The following EFCAB3 variants were observed in gnomAD, a reference collection of about 807,000 sequenced individuals.
EFCAB3 encodes EF-hand calcium binding domain 3.
In EFCAB3, 36 loss-of-function variants were observed where a neutral mutation model predicts 42.2. The ratio of observed to expected loss-of-function variants is 0.85; its 90% CI spans 0.65 to 1.13. EFCAB3 has a LOEUF of 1.13. EFCAB3 is among the 50% of genes most tolerant of loss of function. EFCAB3 has a pLI of 0.00. For missense variants in EFCAB3, 418 were observed against 505.1 expected (o/e 0.83, Z 1.65); for synonymous variants, 170 against 172.8 (o/e 0.98, Z 0.13).
chr17:62,409,509 A>G (rs2070476389), intron 8 of EFCAB3, among the ~76,000 whole-genome samples: 5 of 152,134 alleles, frequency 3.3e-5, no homozygotes, highest in Admixed American at 3.3e-4. Flanking sequence ...AATGCACTGC[A>G]CTCTAGCCCG....
chr17:62,371,625 T>G (rs1347844850), intron 1 of EFCAB3, among the ~76,000 whole-genome samples: 1 of 152,066 alleles, frequency 6.6e-6, no homozygotes, highest in Admixed American at 6.5e-5. Flanking sequence ...ACAACCAATA[T>G]GCTAAGTTGT....
intron 1 of EFCAB3, among the ~76,000 whole-genome samples, chr17:62,372,295 G>A (rs1401908798): frequency 6.6e-6 from 1 of 151,988 alleles, no homozygotes; most frequent in Non-Finnish European, 1.5e-5. Context: ...TTTGGGGACA[G>A]GGTCTGGCTC....
chr17:62,370,817 G>A (rs1430079476), intron 1 of EFCAB3, among the ~76,000 whole-genome samples: 2 of 152,010 alleles, frequency 1.3e-5, no homozygotes, highest in Admixed American at 1.3e-4. Context: ...GCCAGACGTG[G>A]TGGCTCACAC....
At chr17:62,403,749 G>C (rs1222606782) in intron 6 of EFCAB3, among the ~76,000 whole-genome samples, 4 of 152,156 alleles carry the variant, frequency 2.6e-5, no homozygotes, top group Non-Finnish European at 5.9e-5. Context: ...CCAAACTCAA[G>C]CAATCCTCTC....
upstream of EFCAB3, chr17:62,378,018 G>T: frequency 1.3e-6 from 2 of 1,549,050 alleles, no homozygotes; most frequent in Non-Finnish European, 1.7e-6. Context: ...TGATATTAAA[G>T]GTGAGTGTGA....
At chr17:62,412,489 G>A (rs1261835050) in intron 8 of EFCAB3, among the ~76,000 whole-genome samples, 1 of 151,848 alleles carries the variant, frequency 6.6e-6, no homozygotes, top group Non-Finnish European at 1.5e-5. Context: ...GTTGAGACAG[G>A]GTCTCAACTT....
intron 6 of EFCAB3, among the ~76,000 whole-genome samples, chr17:62,400,948 A>G (rs185704852): frequency 6.6e-6 from 1 of 152,236 alleles, no homozygotes; most frequent in African/African-American, 2.4e-5. Flanking sequence ...AATGACTTTA[A>G]TGATTTTAAT....
intron 3 of EFCAB3, among the ~76,000 whole-genome samples, chr17:62,391,380 T>C (rs2070301212): frequency 6.6e-6 from 1 of 152,006 alleles, no homozygotes; most frequent in African/African-American, 2.4e-5. Context: ...GAGAAGCTCC[T>C]GGCTGATAAA....
chr17:62,378,126 T>C (rs1184908903), upstream of EFCAB3: 5 of 903,478 alleles, frequency 5.5e-6, no homozygotes, highest in Non-Finnish European at 8.3e-6. Context: ...TCAGTTTCTA[T>C]CCTCCATCTA....
At chr17:62,393,737 T>C in intron 5 of EFCAB3, 93 bp downstream of exon 5, 1 of 1,110,910 alleles carries the variant, frequency 9.0e-7, no homozygotes, top group Non-Finnish European at 1.4e-6. Flanking sequence ...GGGAGACAGG[T>C]CAGGAAGGTG....
chr17:62,395,581 C>A (rs1267371748), intron 6 of EFCAB3, among the ~76,000 whole-genome samples: 2 of 152,106 alleles, frequency 1.3e-5, no homozygotes, highest in Non-Finnish European at 2.9e-5. Context: ...CAGGGGCTCT[C>A]AAAAATCTCT....
chr17:62,396,393 A>C (rs1447116192), intron 6 of EFCAB3, among the ~76,000 whole-genome samples: 4 of 152,030 alleles, frequency 2.6e-5, no homozygotes, highest in Non-Finnish European at 5.9e-5. Flanking sequence ...TCTCTACTAA[A>C]AATACAAAAA....
In EFCAB3 at chr17:62,413,854, T is replaced by A. The variant is rs767839329; in HGVS notation, c.990T>A (p.His330Gln). 6.2e-7 allele frequency: 1 copy of A among 1,609,960 alleles called. No homozygotes were observed. Among genetic ancestry groups the A allele is most frequent in the South Asian group, 1.1e-5 (1 of 90,306 alleles). The change falls in exon 9 of 10, where the codon CAT (histidine) becomes CAA (glutamine). Residue 330 changes from histidine to glutamine, a missense_variant and splice_region_variant. By Grantham distance (24) the His-to-Gln change is conservative. Transcript: ENST00000305286. ...TVADATAIKQ[H>Q]VKRATDTYNL... ...CCGATGCAACTGCTATTAAACAACA[T>A]GTGAGTATTCCTTGTTGAGTTCCTT... is the stretch of plus-strand genomic sequence containing the variant.
At chr17:62,409,607 T>C (rs550612930) in intron 8 of EFCAB3, among the ~76,000 whole-genome samples, 1 of 151,794 alleles carries the variant, frequency 6.6e-6, no homozygotes, top group Non-Finnish European at 1.5e-5. Flanking sequence ...ATAAATATAT[T>C]TATGTATTCA....
chr17:62,385,901 T>G lies in EFCAB3; in HGVS notation c.75-1439T>G, dbSNP rs946464807. On this transcript the variant is annotated intron_variant, in intron 2 of 9. Coordinates refer to ENST00000305286, the MANE Select transcript of EFCAB3 (RefSeq NM_173503.4). ...TGCCCGGCTAATTTTTTTTTTTTTT[T>G]AATTTTTAGTAGAGGCGGGGTTTCA... 2.0e-5 allele frequency among the ~76,000 whole-genome samples: 3 copies of G among 150,240 alleles called. No individual in the cohort carries two copies. The South Asian group carries it at 6.3e-4, about 32-fold the overall frequency.
chr17:62,397,746 C>T (rs867277161), intron 6 of EFCAB3: 11 of 446,136 alleles, frequency 2.5e-5, no homozygotes, highest in African/African-American at 6.0e-5. Context: ...CATGCTGGGC[C>T]GAGCACAGTG....
chr17:62,402,561 T>C (rs1014743993), intron 6 of EFCAB3, among the ~76,000 whole-genome samples: 1 of 152,220 alleles, frequency 6.6e-6, no homozygotes, highest in African/African-American at 2.4e-5. Flanking sequence ...GTGGTTTTTG[T>C]CTTTGGTTCT....
At chr17:62,373,785 C>G (rs1304161641) in intron 1 of EFCAB3, 2 of 1,360,706 alleles carry the variant, frequency 1.5e-6, no homozygotes, top group Non-Finnish European at 2.0e-6. Flanking sequence ...ATGTGACTGC[C>G]TCTGTATCTA....
At chr17:62,393,763 G>A (rs962941772) in intron 5 of EFCAB3, 119 bp downstream of exon 5, 1 of 794,638 alleles carries the variant, frequency 1.3e-6, no homozygotes, top group East Asian at 2.6e-5. Flanking sequence ...TGGGATGTGA[G>A]TTACTTTTGT....
Sources: gnomAD v4.1 joint callset for allele counts (sites outside exome capture counted in the v4.1 genomes callset) on GRCh38, gnomAD v4.1.1 for gene constraint, MANE v1.5 for transcripts, NCBI Gene and HGNC (gene_info 2026-07-23, HGNC 2026-07-21) for gene names.